Variants in KCNQ1 observed in about 807,000 individuals in gnomAD.
The protein encoded by KCNQ1 is potassium voltage-gated channel subfamily KQT member 1.
Under a neutral mutation model 72.4 loss-of-function variants are expected in KCNQ1, and 49 were observed. That is an observed-to-expected ratio of 0.68 (90% CI 0.54 to 0.86). The LOEUF is 0.86. Ranked by LOEUF, KCNQ1 falls within the 40% of genes least tolerant of loss-of-function variation. KCNQ1 has a pLI of 0.00. For missense variants in KCNQ1, 790 were observed against 945.1 expected, an observed-to-expected ratio of 0.84 and a Z score of 2.15; for synonymous variants, 450 against 412.6, an observed-to-expected ratio of 1.09 and a Z score of -1.10.
At position 2,538,734 on chromosome 11, in the gene KCNQ1, C is replaced by T. The variant is rs577130759; in HGVS notation, c.477+10716C>T. On this transcript the variant is annotated intron_variant, in intron 2 of 15. Transcript: ENST00000155840. The surrounding 1 kb of genome is among the most constrained non-coding windows in gnomAD (Gnocchi z 6.7). The stretch of plus-strand genomic sequence containing the variant: ...TTCTGTAACAAAGGCTTCCTCTGTG[C>T]AGCCCACACACGGGCCTCACGTTAT... 4.6e-5 allele frequency among the ~76,000 whole-genome samples: 7 copies of T among 150,854 alleles called. No individual in the cohort carries two copies. In the South Asian group the frequency reaches 1.2e-3, roughly 27 times the overall value.
In KCNQ1 at chr11:2,815,734, A is replaced by T. The variant is rs933615979; in HGVS notation, c.1795-32033A>T. ...TGGAGACTATTCAGGAGAGGGTGGGAGCAGACACGGGAGTAGGATGGGGGC... is the reference window on the plus strand; with the variant it reads ...TGGAGACTATTCAGGAGAGGGTGGGTGCAGACACGGGAGTAGGATGGGGGC... On this transcript the variant is annotated intron_variant, in intron 15 of 15. Transcript: ENST00000155840. The surrounding 1 kb of genome is among the most constrained non-coding windows in gnomAD (Gnocchi z 5.4). Among the ~76,000 whole-genome samples the T allele has an allele frequency of 6.6e-6, 1 of 151,838 alleles. No individual in the cohort carries two copies. Among genetic ancestry groups the T allele is most frequent in the African/African-American group, 2.4e-5 (1 of 41,312 alleles).
rs958957401 is a variant in KCNQ1, at chr11:2,787,547, T to G, written c.1794+9510T>G. On this transcript the variant is annotated intron_variant, in intron 15 of 15. Transcript: ENST00000155840. This position sits in a 1 kb window ranked among gnomAD's most constrained non-coding sequence, Gnocchi z 6.3. ...TCATTTTAAATTTTCTAATAGCCAC[T>G]TTTTTAATTTAAAAGAAATAAGTAA... Among the ~76,000 whole-genome samples, 3 of 152,208 alleles carry G rather than the reference T, an allele frequency of 2.0e-5. No individual in the cohort carries two copies. The highest frequency in any genetic ancestry group is 2.1e-4 in the South Asian group (1 of 4,826).
At chr11:2,597,867 G>C (rs372303883) in intron 10 of KCNQ1, among the ~76,000 whole-genome samples, 1 of 152,012 alleles carries the variant, frequency 6.6e-6, no homozygotes, top group African/African-American at 2.4e-5. Context: ...GTTGCCACTT[G>C]GTAGCAACTG....
rs562327903 is a variant in KCNQ1, at chr11:2,463,286, G to T, written c.386+17802G>T. Among the ~76,000 whole-genome samples, 3 of 152,182 alleles carry T rather than the reference G, an allele frequency of 2.0e-5. No homozygotes were observed. Among genetic ancestry groups the T allele is most frequent in the Non-Finnish European group, 4.4e-5 (3 of 68,032 alleles). On this transcript the variant is annotated intron_variant, in intron 1 of 15. Transcript: ENST00000155840. This position sits in a 1 kb window ranked among gnomAD's most constrained non-coding sequence, Gnocchi z 7.0. ...GACACAGAAGGCAGGAATGCAGAAGGCCTTTCAGAAGTTCTCACTGGCCTG... is the reference window on the plus strand; with the variant it reads ...GACACAGAAGGCAGGAATGCAGAAGTCCTTTCAGAAGTTCTCACTGGCCTG...
At chr11:2,456,956 A>AAAC (rs1554882141) in intron 1 of KCNQ1, among the ~76,000 whole-genome samples, 5 of 106,218 alleles carry the variant, frequency 4.7e-5, no homozygotes, top group Non-Finnish European at 5.2e-5. Flanking sequence ...AAAAAAAAAA[A>AAAC]AAAAAAAAAC....
chr11:2,496,427 A>G (rs1271974845), intron 1 of KCNQ1, among the ~76,000 whole-genome samples: 2 of 149,920 alleles, frequency 1.3e-5, no homozygotes, highest in Admixed American at 6.7e-5. Flanking sequence ...AAAGAGTGAG[A>G]CTCCATCTCA....
rs1846702631 is a variant in KCNQ1, at chr11:2,484,425, A to G, written c.386+38941A>G. The stretch of plus-strand genomic sequence containing the variant: ...GGTGATCCACCCGCCTTGGCCTCCC[A>G]AAGTGCAGGGATTACAGGTGTGAGC... On this transcript the variant is annotated intron_variant, in intron 1 of 15. Transcript: ENST00000155840. The surrounding 1 kb of genome is among the most constrained non-coding windows in gnomAD (Gnocchi z 5.2). Among the ~76,000 whole-genome samples the G allele has an allele frequency of 6.6e-6, 1 of 152,296 alleles. No individual in the cohort carries two copies. The highest frequency in any genetic ancestry group is 2.4e-5 in the African/African-American group (1 of 41,562).
rs1166148287 is a variant in KCNQ1 at position 2,446,879 on chromosome 11, T to C, written c.386+1395T>C. Among the ~76,000 whole-genome samples the C allele has an allele frequency of 2.0e-5, 3 of 152,162 alleles. No individual in the cohort carries two copies. Among genetic ancestry groups the C allele is most frequent in the African/African-American group, 7.2e-5 (3 of 41,434 alleles). ...GCTCGGCTTGGGGTTTGGGAGATAT[T>C]TGTGTGCAGTGACCCCAGGGGAACC... On this transcript the variant is annotated intron_variant, in intron 1 of 15. Transcript: ENST00000155840. The surrounding 1 kb of genome is among the most constrained non-coding windows in gnomAD (Gnocchi z 8.8).
In KCNQ1 at chr11:2,484,963, A is replaced by G. The variant is rs1001964636; in HGVS notation, c.386+39479A>G. On this transcript the variant is annotated intron_variant, in intron 1 of 15. Coordinates refer to ENST00000155840, the MANE Select transcript of KCNQ1 (RefSeq NM_000218.3). This position sits in a 1 kb window ranked among gnomAD's most constrained non-coding sequence, Gnocchi z 5.2. ...ACCTGCTCGTCCAACCCCAGCTGCA[A>G]GGGAACTGGCTCCATACTTGCTGAT... Among the ~76,000 whole-genome samples, 2 of 152,094 alleles carry G rather than the reference A, an allele frequency of 1.3e-5. No individual in the cohort carries two copies. Among genetic ancestry groups the G allele is most frequent in the South Asian group, 2.1e-4 (1 of 4,824 alleles).
rs1417379460 is a variant in KCNQ1 at position 2,445,229 on chromosome 11, G to T, written c.131G>T (p.Gly44Val). The change falls in exon 1 of 16, where the codon GGC becomes GTC. Residue 44 changes from glycine (G) to valine (V), a missense_variant. By Grantham distance (109) the Gly-to-Val change is moderately radical. Around this residue, in one of 5 missense-constraint regions of KCNQ1, gnomAD observed 294 missense variants for 323.3 expected, o/e 0.91. Coordinates refer to ENST00000155840, the MANE Select transcript of KCNQ1 (RefSeq NM_000218.3). ...CPFSLELAEG[G>V]PAGGALYAPI... ...TTCTCGCTGGAGCTGGCGGAGGGCG[G>T]CCCGGCGGGCGGCGCGCTCTACGCG... The T allele has an allele frequency of 8.8e-7, 1 of 1,133,676 alleles. No individual in the cohort carries two copies. The highest frequency in any genetic ancestry group is 1.1e-6 in the Non-Finnish European group (1 of 923,776). 70.2% of individuals were successfully genotyped at this position (1,133,676 alleles called of 1,614,324 possible). A position where few individuals can be genotyped will look rare whatever the true frequency, so the allele number is the denominator to read the frequency against.
At position 2,674,180 on chromosome 11, in the gene KCNQ1, G is replaced by A; in HGVS notation, c.1514+12099G>A. ...AAGGAATGTGACCAAGGCTGGGTGT[G>A]GCTGGGGAGAGCACAGCCAGTTGTG... On this transcript the variant is annotated intron_variant, in intron 11 of 15. Transcript: ENST00000155840. This position sits in a 1 kb window ranked among gnomAD's most constrained non-coding sequence, Gnocchi z 5.9. 2.5e-6 allele frequency: 1 copy of A among 398,712 alleles called. No homozygotes were observed. The highest frequency in any genetic ancestry group is 4.4e-6 in the Non-Finnish European group (1 of 226,142). The allele number at this position is 398,712 out of a possible 1,614,324, so 24.7% of individuals were successfully genotyped here.
At position 2,563,363 on chromosome 11, in the gene KCNQ1, A is replaced by G. The variant is rs1406692667; in HGVS notation, c.478-7265A>G. Among the ~76,000 whole-genome samples, 2 of 152,208 alleles carry G rather than the reference A, an allele frequency of 1.3e-5. No individual in the cohort carries two copies. The highest frequency in any genetic ancestry group is 2.9e-5 in the Non-Finnish European group (2 of 68,026). The stretch of plus-strand genomic sequence containing the variant: ...TTCACTCGGAGACTAAAAATCCCAG[A>G]TAAGCACCTGCTTTGCTAGACCCTT... On this transcript the variant is annotated intron_variant, in intron 2 of 15. Transcript: ENST00000155840. The surrounding 1 kb of genome is among the most constrained non-coding windows in gnomAD (Gnocchi z 7.4).
rs556589392 is a variant in KCNQ1, at chr11:2,585,269, T to C, written c.1090T>C (p.Phe364Leu). Reference sequence around the variant, plus strand: ...GCAGCAGAAGCAGAGGCAGAAGCACTTCAACCGGCAGATCCCGGCGGCAGC... The same window carrying C: ...GCAGCAGAAGCAGAGGCAGAAGCACCTCAACCGGCAGATCCCGGCGGCAGC... ...KVQQKQRQKHFNRQIPAAASL... is the reference protein window; with the variant it reads ...KVQQKQRQKHLNRQIPAAASL... Residue 364 changes from phenylalanine to leucine, a missense_variant, in exon 8 of 16, where the codon TTC becomes CTC. Physicochemically the swap from Phe to Leu is conservative, Grantham distance 22 (BLOSUM62 0). Transcript: ENST00000155840. 1 of 1,614,062 alleles carries C rather than the reference T, an allele frequency of 6.2e-7. No homozygotes were observed. The highest frequency in any genetic ancestry group is 2.2e-5 in the East Asian group (1 of 44,884).
At chr11:2,693,819 G>A (rs768041347) in intron 11 of KCNQ1, 7 of 398,756 alleles carry the variant, frequency 1.8e-5, no homozygotes, top group Admixed American at 8.8e-5. Flanking sequence ...TAAAGGCACC[G>A]GAAGGAAAGG....
intron 3 of KCNQ1, 129 bp from the exon 4 acceptor site, chr11:2,571,196 C>G (rs751708534): frequency 1.3e-6 from 1 of 777,518 alleles, no homozygotes; most frequent in South Asian, 1.4e-5. Flanking sequence ...GTCTCCATGT[C>G]CCCGGTCATC....
At position 2,445,220 on chromosome 11, in the gene KCNQ1, C is replaced by T; in HGVS notation, c.122C>T (p.Ala41Val). ...AKKCPFSLEL[A>V]EGGPAGGALY... Reference sequence around the variant, plus strand: ...AAGTGCCCCTTCTCGCTGGAGCTGGCGGAGGGCGGCCCGGCGGGCGGCGCG... The same window carrying T: ...AAGTGCCCCTTCTCGCTGGAGCTGGTGGAGGGCGGCCCGGCGGGCGGCGCG... The change falls in exon 1 of 16, where the codon GCG becomes GTG. Residue 41 changes from alanine to valine, a missense_variant. Ala to Val is a moderately conservative substitution (Grantham distance 64). Transcript: ENST00000155840. 1 of 1,133,930 alleles carries T rather than the reference C, an allele frequency of 8.8e-7. No homozygotes were observed. Among genetic ancestry groups the T allele is most frequent in the South Asian group, 3.1e-5 (1 of 32,510 alleles). 70.2% of individuals were successfully genotyped at this position (1,133,930 alleles called of 1,614,324 possible).
At chr11:2,629,003 T>C (rs1246639739) in intron 10 of KCNQ1, 1 of 398,356 alleles carries the variant, frequency 2.5e-6, no homozygotes. Context: ...CTTTGAAATA[T>C]AATTCAAAAT....
intron 10 of KCNQ1, chr11:2,610,581 G>T: frequency 2.5e-6 from 1 of 398,328 alleles, no homozygotes; most frequent in Non-Finnish European, 4.4e-6. Flanking sequence ...CTTCCTTTTT[G>T]CCTGAAGAAC....
rs1830845567 is a variant in KCNQ1 at position 2,647,694 on chromosome 11, A to T, written c.1394-14267A>T. The T allele has an allele frequency of 1.3e-5, 5 of 398,040 alleles. No individual in the cohort carries two copies. The highest frequency in any genetic ancestry group is 1.2e-3 in the Middle Eastern group (2 of 1,610). The allele number at this position is 398,040 out of a possible 1,614,324, so 24.7% of individuals were successfully genotyped here. A position where few individuals can be genotyped will look rare whatever the true frequency, so the allele number is the denominator to read the frequency against. On this transcript the variant is annotated intron_variant, in intron 10 of 15. Coordinates refer to ENST00000155840, the MANE Select transcript of KCNQ1 (RefSeq NM_000218.3). This position sits in a 1 kb window ranked among gnomAD's most constrained non-coding sequence, Gnocchi z 4.0. ...CATTCCTTGTTATTGCTCTGTTCAG[A>T]TTTTTTTTCTTCCTGGTTCAATCTT...
Sources: allele counts gnomAD v4.1 joint callset (sites outside exome capture counted in the v4.1 genomes callset), GRCh38; gene constraint gnomAD v4.1.1; regional missense constraint gnomAD v4.1.1; non-coding constraint Gnocchi (gnomAD v3.1); transcripts MANE v1.5; gene names NCBI Gene and HGNC (gene_info 2026-07-23, HGNC 2026-07-21).